The following SLC44A1 variants were observed in gnomAD, a reference collection of about 807,000 sequenced individuals.
The protein encoded by SLC44A1 is solute carrier family 44 member 1, also known as choline transporter-like protein 1.
SLC44A1 carries 26 observed loss-of-function variants against 79.3 expected under a neutral mutation model. That is an observed-to-expected ratio of 0.33 (90% confidence interval 0.24 to 0.46). The LOEUF (loss-of-function observed/expected upper bound fraction) is 0.46. Among genes scored for constraint, SLC44A1 ranks in the 20% least tolerant of loss-of-function variants. The probability of loss-of-function intolerance (pLI) is 1.00; values close to 1 mark genes in which losing one functional copy is unlikely to be tolerated. For missense variants in SLC44A1, 688 were observed against 798.1 expected (o/e 0.86, Z 1.66); for synonymous variants, 263 against 286.2 (o/e 0.92, Z 0.82).
In SLC44A1 at chr9:105,288,507, C is replaced by T. The variant is rs547431818; in HGVS notation, c.37-10713C>T. Among the ~76,000 whole-genome samples, 28 of 152,234 alleles carry T rather than the reference C, an allele frequency of 1.8e-4. 1 individual carries two copies. The highest frequency in any genetic ancestry group is 6.8e-3 in the Middle Eastern group (2 of 294). On this transcript the variant is annotated intron_variant, in intron 1 of 15. Transcript: ENST00000374720. ...AGGACCACAGGTGTGTGCCACCACA[C>T]CTGGCTAATTTTTTAATTATTTATA...
At chr9:105,302,584 T>C (rs937694849) in intron 2 of SLC44A1, among the ~76,000 whole-genome samples, 1 of 151,498 alleles carries the variant, frequency 6.6e-6, no homozygotes, top group Non-Finnish European at 1.5e-5. Flanking sequence ...ACTCCTGACC[T>C]CAAGTGATCT....
In SLC44A1 at chr9:105,335,572, C is replaced by G; in HGVS notation, c.279C>G (p.Phe93Leu). The change falls in exon 4 of 16, where the codon TTC becomes TTG. Residue 93 changes from phenylalanine to leucine, a missense_variant. By Grantham distance (22) the Phe-to-Leu change is conservative. Coordinates refer to ENST00000374720, the MANE Select transcript of SLC44A1 (RefSeq NM_080546.5). ...GMDHTQRKYV[F>L]FLDPCNLDLI... ...TTTCTCCATGCTTTAGGTATGTATT[C>G]TTTTTGGATCCATGCAACCTGGACT... 1 of 1,611,322 alleles carries G rather than the reference C, an allele frequency of 6.2e-7. No homozygotes were observed. Among genetic ancestry groups the G allele is most frequent in the Admixed American group, 1.7e-5 (1 of 59,674 alleles).
At chr9:105,389,001 A>G (rs1314765993) in intron 15 of SLC44A1, 32 bp from the exon 16 acceptor site, 1 of 1,557,130 alleles carries the variant, frequency 6.4e-7, no homozygotes. Flanking sequence ...GTAATTGTCT[A>G]AGATTATACT....
chr9:105,269,307 G>T (rs1830029275), intron 1 of SLC44A1, among the ~76,000 whole-genome samples: 1 of 152,014 alleles, frequency 6.6e-6, no homozygotes, highest in African/African-American at 2.4e-5. Flanking sequence ...TTTCCTTTCA[G>T]ATCCTCTCTT....
At chr9:105,332,223 G>A (rs1025892934) in intron 3 of SLC44A1, among the ~76,000 whole-genome samples, 8 of 150,534 alleles carry the variant, frequency 5.3e-5, no homozygotes, top group Non-Finnish European at 5.9e-5. Flanking sequence ...GGGTTCAAGC[G>A]ATTCTCCTGC....
intron 1 of SLC44A1, among the ~76,000 whole-genome samples, chr9:105,270,869 A>G (rs1240727827): frequency 1.3e-5 from 2 of 152,204 alleles, no homozygotes; most frequent in African/African-American, 2.4e-5. Flanking sequence ...ATCAACTTAC[A>G]TTGTTTCTTT....
intron 15 of SLC44A1, among the ~76,000 whole-genome samples, chr9:105,402,792 A>G (rs1828974745): frequency 6.6e-6 from 1 of 152,124 alleles, no homozygotes; most frequent in African/African-American, 2.4e-5. Flanking sequence ...GTGTCTGTTT[A>G]TATATTTATG....
chr9:105,290,992 G>A (rs1045892533), intron 1 of SLC44A1, among the ~76,000 whole-genome samples: 2 of 152,106 alleles, frequency 1.3e-5, no homozygotes, highest in Admixed American at 6.6e-5. Context: ...TATGGTAACC[G>A]TAAGTAGTTA....
chr9:105,351,612 AAGAAAGAAAGAGAGAGAAAG>A (rs1364761015), intron 5 of SLC44A1, among the ~76,000 whole-genome samples: 1,268 of 78,616 alleles, frequency 0.016, 20 homozygotes, highest in African/African-American at 0.052. Flanking sequence ...GAAAGAAAGA[AAGAAAGAAAGAGAGAGAAAG>A]AGAAAGAAAG....
At chr9:105,299,622 CA>C (rs1425903440) in intron 2 of SLC44A1, 1 of 290,616 alleles carries the variant, frequency 3.4e-6, no homozygotes, top group Non-Finnish European at 5.7e-6. Flanking sequence ...CCAACCCAGT[CA>C]CACCAACTTG....
chr9:105,413,007 T>A (rs1466235850), intron 15 of SLC44A1, among the ~76,000 whole-genome samples: 1 of 152,142 alleles, frequency 6.6e-6, no homozygotes, highest in East Asian at 1.9e-4. Context: ...AAAAGAGACA[T>A]CTTGGGGTAG....
chr9:105,425,950 C>T (rs757067369), intron 15 of SLC44A1, among the ~76,000 whole-genome samples: 5 of 152,300 alleles, frequency 3.3e-5, no homozygotes, highest in South Asian at 2.1e-4. Context: ...AGAGCTTCCA[C>T]GCCATGCAAG....
chr9:105,383,729 C>A (rs1357867387), intron 14 of SLC44A1, among the ~76,000 whole-genome samples: 1 of 152,180 alleles, frequency 6.6e-6, no homozygotes, highest in African/African-American at 2.4e-5. Flanking sequence ...CTAGTGCCTA[C>A]CTGTCTTTCT....
chr9:105,317,939 A>C (rs997488189), intron 3 of SLC44A1, among the ~76,000 whole-genome samples: 1 of 152,066 alleles, frequency 6.6e-6, no homozygotes, highest in African/African-American at 2.4e-5. Flanking sequence ...GCCTTTGATG[A>C]ATTTGGCTTT....
chr9:105,419,935 A>AG (rs1564058146), intron 15 of SLC44A1, among the ~76,000 whole-genome samples: 1 of 151,624 alleles, frequency 6.6e-6, no homozygotes, highest in African/African-American at 2.4e-5. Context: ...AAAAAAAAAA[A>AG]AAGAAGGCAA....
At chr9:105,411,551 C>CTT (rs11390019) in intron 15 of SLC44A1, among the ~76,000 whole-genome samples, 3 of 143,954 alleles carry the variant, frequency 2.1e-5, no homozygotes, top group African/African-American at 7.6e-5. Context: ...TGGAAAAAAG[C>CTT]TTTTTTTTTT....
chr9:105,339,283 G>A (rs1827017636), intron 4 of SLC44A1, among the ~76,000 whole-genome samples: 1 of 151,890 alleles, frequency 6.6e-6, no homozygotes, highest in African/African-American at 2.4e-5. Context: ...GTAGAGAATC[G>A]GAACCTTTGT....
chr9:105,288,443 G>A (rs1830526497), intron 1 of SLC44A1, among the ~76,000 whole-genome samples: 1 of 152,134 alleles, frequency 6.6e-6, no homozygotes, highest in Admixed American at 6.5e-5. Flanking sequence ...CCATTGCCAG[G>A]GCTCAAACGA....
chr9:105,404,934 CAG>C (rs1406931324), intron 15 of SLC44A1, among the ~76,000 whole-genome samples: 1 of 152,176 alleles, frequency 6.6e-6, no homozygotes, highest in African/African-American at 2.4e-5. Flanking sequence ...CATTAGCTAA[CAG>C]ATATTTAATG....
Sources: gnomAD v4.1 joint callset for allele counts (sites outside exome capture counted in the v4.1 genomes callset) on GRCh38, gnomAD v4.1.1 for gene constraint, MANE v1.5 for transcripts, NCBI Gene and HGNC (gene_info 2026-07-23, HGNC 2026-07-21) for gene names.